LEMD2: variants seen among roughly 807,000 people sequenced by gnomAD.
LEMD2 encodes the protein LEM domain nuclear envelope protein 2.
A neutral mutation model predicts 58.8 loss-of-function variants in LEMD2; 34 were observed. The ratio of observed to expected loss-of-function variants is 0.58; its 90% CI spans 0.44 to 0.77. The LOEUF is 0.77. LEMD2 is among the 30% of genes least tolerant of loss of function. LEMD2 has a pLI of 0.00. For synonymous variants in LEMD2, 298 were observed against 308.9 expected, an observed-to-expected ratio of 0.96 and a Z score of 0.37; for missense variants, 629 against 717.9, an observed-to-expected ratio of 0.88 and a Z score of 1.42.
chr6:33,775,926 T>C (rs1220657108), intron 8 of LEMD2, among the ~76,000 whole-genome samples: 1 of 152,202 alleles, frequency 6.6e-6, no homozygotes, highest in African/African-American at 2.4e-5. Context: ...TGACAGCATC[T>C]GGCCAGAAAC....
chr6:33,773,379 C>A (rs935062290), intron 8 of LEMD2, among the ~76,000 whole-genome samples: 5 of 152,180 alleles, frequency 3.3e-5, no homozygotes, highest in Non-Finnish European at 5.9e-5. Context: ...TCTTCTTCCC[C>A]CCTTCCAGAC....
intron 8 of LEMD2, among the ~76,000 whole-genome samples, chr6:33,775,403 G>A (rs1215334836): frequency 3.3e-5 from 5 of 151,958 alleles, no homozygotes; most frequent in Non-Finnish European, 5.9e-5. Context: ...CTGTTGCCTC[G>A]ACCTCCTGGG....
At chr6:33,786,344 AGAGAATGTGGAATT>A (rs1281560977) in intron 2 of LEMD2, among the ~76,000 whole-genome samples, 2 of 152,236 alleles carry the variant, frequency 1.3e-5, no homozygotes, top group African/African-American at 4.8e-5. Flanking sequence ...CACTGGAGAC[AGAGAATGTGGAATT>A]GAGAACTTGG....
intron 8 of LEMD2, among the ~76,000 whole-genome samples, chr6:33,774,776 A>AC (rs1432968390): frequency 2.0e-5 from 3 of 150,960 alleles, no homozygotes; most frequent in African/African-American, 7.3e-5. Context: ...CCTGATACCA[A>AC]CCCCCCTTCC....
At chr6:33,780,525 C>G (rs1767541918) in intron 4 of LEMD2, among the ~76,000 whole-genome samples, 2 of 152,272 alleles carry the variant, frequency 1.3e-5, no homozygotes, top group African/African-American at 4.8e-5. Flanking sequence ...GGTGGGTGAG[C>G]CCAGTGGCCG....
In LEMD2 at chr6:33,786,760, C is replaced by T; in HGVS notation, c.751G>A (p.Val251Met). ...EAEDNMKLLP[V>M]DCERKTDEFC... ...TCATCTGTTTTTCTCTCACAGTCCA[C>T]TGGCAATAACTTCACTGAGACCAAG... The change falls in exon 2 of 9, where the codon GTG becomes ATG. Residue 251 changes from valine to methionine, a missense_variant. By Grantham distance (21) the Val-to-Met change is conservative (BLOSUM62 1). This residue lies in a region of LEMD2 where 243 missense variants were observed against 336.8 expected (regional missense o/e 0.72). Coordinates refer to ENST00000293760, the MANE Select transcript of LEMD2 (RefSeq NM_181336.4). 1 of 1,613,876 alleles carries T rather than the reference C, an allele frequency of 6.2e-7. No individual in the cohort carries two copies.
chr6:33,777,129 G>GAC lies in LEMD2; in HGVS notation c.1258+8_1258+9insGT, dbSNP rs754595123. On this transcript the variant is annotated intron_variant, in intron 7 of 8. Coordinates refer to ENST00000293760, the MANE Select transcript of LEMD2 (RefSeq NM_181336.4). ...TCGGCAACCCTTTATTCACCAGGGG[G>GAC]CCACGCACCTATAATCTTCTTCACC... 8.1e-6 allele frequency: 13 copies of GAC among 1,611,946 alleles called. No individual in the cohort carries two copies. The highest frequency in any genetic ancestry group is 9.3e-6 in the Non-Finnish European group (11 of 1,178,002).
At chr6:33,777,613 T>G (rs1040073445) in intron 6 of LEMD2, among the ~76,000 whole-genome samples, 1 of 152,188 alleles carries the variant, frequency 6.6e-6, no homozygotes, top group Non-Finnish European at 1.5e-5. Flanking sequence ...TAATGATTTC[T>G]GTGCCTGATG....
In LEMD2 at chr6:33,789,099, G is replaced by A; in HGVS notation, c.18C>T (p.Asp6=). The change falls in exon 1 of 9, where the codon GAC becomes GAT. Residue 6 remains aspartate, a synonymous_variant. Coordinates refer to ENST00000293760, the MANE Select transcript of LEMD2 (RefSeq NM_181336.4). ...CCTGCAGCTCCCGCCGCAGTTCCAG[G>A]TCCGACAGGCCGGCCATGGCCAGGA... is the stretch of plus-strand genomic sequence containing the variant. MAGLS[D]LELRRELQAL... 6.5e-7 allele frequency: 1 copy of A among 1,537,228 alleles called. No homozygotes were observed.
At position 33,780,084 on chromosome 6, in the gene LEMD2, C is replaced by T; in HGVS notation, c.1010+16G>A. 6.3e-7 allele frequency: 1 copy of T among 1,575,950 alleles called. No homozygotes were observed. Among genetic ancestry groups the T allele is most frequent in the Admixed American group, 1.8e-5 (1 of 55,206 alleles). On this transcript the variant is annotated intron_variant, in intron 5 of 8. Coordinates refer to ENST00000293760, the MANE Select transcript of LEMD2 (RefSeq NM_181336.4). ...TGCAGGCACCCATGCTGCGTCGCCA[C>T]CCTGCCCACACTCACCAGATGCCCA...
Position 33,781,024 on chromosome 6 carries a change from A to G in LEMD2, c.930+53T>C. 3.2e-6 allele frequency: 4 copies of G among 1,254,156 alleles called. No individual in the cohort carries two copies. In the South Asian group the frequency reaches 3.8e-5, roughly 12 times the overall value. 77.7% of individuals were successfully genotyped at this position (1,254,156 alleles called of 1,614,324 possible). A position where few individuals can be genotyped will look rare whatever the true frequency, so the allele number is the denominator to read the frequency against. ...AACCCCAACAGGGCTTGAAAGACCA[A>G]TAGGAAAGCACCAGGCCCTCCCAGG... On this transcript the variant is annotated intron_variant, in intron 4 of 8. Transcript: ENST00000293760.
In LEMD2 at chr6:33,786,619, A is replaced by G. The variant is rs9394167; in HGVS notation, c.777+115T>C. The G allele has an allele frequency of 0.55, 417,935 of 762,516 alleles. 118,476 individuals carry two copies. The highest frequency in any genetic ancestry group is 0.82 in the East Asian group (32,322 of 39,420). The allele number at this position is 762,516 out of a possible 1,614,324, so 47.2% of individuals were successfully genotyped here. A position where few individuals can be genotyped will look rare whatever the true frequency, so the allele number is the denominator to read the frequency against. On this transcript the variant is annotated intron_variant, in intron 2 of 8. Transcript: ENST00000293760. The stretch of plus-strand genomic sequence containing the variant: ...ACAGAACACAATGTGACTCTGGTAC[A>G]TTACAGGAAGCACTCCCTGAAAATG...
At chr6:33,774,263 C>G (rs1411098287) in intron 8 of LEMD2, among the ~76,000 whole-genome samples, 1 of 150,452 alleles carries the variant, frequency 6.6e-6, no homozygotes, top group Non-Finnish European at 1.5e-5. Context: ...CTTCCGCCTC[C>G]CGGGTTCAAG....
chr6:33,788,680 C>T lies in LEMD2; in HGVS notation c.437G>A (p.Arg146Gln), dbSNP rs1034250806. 14 of 1,340,450 alleles carry T rather than the reference C, an allele frequency of 1.0e-5. No homozygotes were observed. The highest frequency in any genetic ancestry group is 3.5e-5 in the Admixed American group (1 of 28,634). The allele number at this position is 1,340,450 out of a possible 1,614,324, so 83.0% of individuals were successfully genotyped here. Residue 146 changes from arginine to glutamine, a missense_variant, in exon 1 of 9, where the codon CGG (arginine) becomes CAG (glutamine). Physicochemically the swap from Arg to Gln is conservative, Grantham distance 43 (BLOSUM62 1). Around this residue, in one of 2 missense-constraint regions of LEMD2, gnomAD observed 386 missense variants for 381.1 expected, o/e 1.01. Transcript: ENST00000293760. ...RGSSEEDEDA[R>Q]TPDRATQGPG... ...GCCCTGCGTGGCCCTGTCGGGCGTCCGGGCGTCCTCGTCCTCCTCGGAGCT... is the reference window on the plus strand; with the variant it reads ...GCCCTGCGTGGCCCTGTCGGGCGTCTGGGCGTCCTCGTCCTCCTCGGAGCT...
chr6:33,782,699 GTGGCCTGTCTC>G (rs1479658653), intron 3 of LEMD2, among the ~76,000 whole-genome samples: 1 of 152,250 alleles, frequency 6.6e-6, no homozygotes, highest in Non-Finnish European at 1.5e-5. Flanking sequence ...AGGGAGGTAG[GTGGCCTGTCTC>G]TTCCAGTAGA....
intron 3 of LEMD2, among the ~76,000 whole-genome samples, chr6:33,784,134 G>C (rs113749766): frequency 4.6e-5 from 7 of 152,226 alleles, no homozygotes; most frequent in African/African-American, 1.2e-4. Context: ...CCTTAAAGAG[G>C]AGCAAGAATC....
chr6:33,785,157 A>G (rs1371083397), intron 2 of LEMD2, among the ~76,000 whole-genome samples: 2 of 152,174 alleles, frequency 1.3e-5, no homozygotes, highest in African/African-American at 4.8e-5. Flanking sequence ...TGAAATTCAA[A>G]TGCCCGTCTG....
intron 8 of LEMD2, among the ~76,000 whole-genome samples, chr6:33,775,954 AGG>A (rs970868214): frequency 6.6e-6 from 1 of 152,204 alleles, no homozygotes; most frequent in African/African-American, 2.4e-5. Flanking sequence ...AGTGTCTGCT[AGG>A]GAGGGACCAC....
In LEMD2 at chr6:33,772,617, C is replaced by T. The variant is rs1225267343; in HGVS notation, c.*11G>A. On this transcript the variant is annotated 3_prime_UTR_variant, in exon 9 of 9. Coordinates refer to ENST00000293760, the MANE Select transcript of LEMD2 (RefSeq NM_181336.4). ...GGACAGGCTGACCGGGAACAAGTCC[C>T]CGCCCGGGGCTTATCGCTCTGAGTC... 3.1e-6 allele frequency: 5 copies of T among 1,610,638 alleles called. No homozygotes were observed. Among genetic ancestry groups the T allele is most frequent in the Non-Finnish European group, 4.2e-6 (5 of 1,178,096 alleles).
Sources: allele counts gnomAD v4.1 joint callset (sites outside exome capture counted in the v4.1 genomes callset), GRCh38; gene constraint gnomAD v4.1.1; regional missense constraint gnomAD v4.1.1; transcripts MANE v1.5; gene names NCBI Gene and HGNC (gene_info 2026-07-23, HGNC 2026-07-21).